ZFPM2: variants seen among roughly 807,000 people sequenced by gnomAD.
ZFPM2 encodes zinc finger protein ZFPM2.
ZFPM2 carries 20 observed loss-of-function variants against 98.6 expected under a neutral mutation model. The ratio of observed to expected loss-of-function variants is 0.20; its 90% CI spans 0.14 to 0.29. ZFPM2 has a LOEUF of 0.29. Ranked by LOEUF, ZFPM2 falls within the 10% of genes least tolerant of loss-of-function variation. ZFPM2 has a pLI of 1.00. For missense variants in ZFPM2, 1,310 were observed against 1,388.6 expected, an observed-to-expected ratio of 0.94 and a Z score of 0.90; for synonymous variants, 518 against 502.7, an observed-to-expected ratio of 1.03 and a Z score of -0.41.
chr8:105,439,117 T>C (rs1812186332), intron 2 of ZFPM2, among the ~76,000 whole-genome samples: 1 of 152,212 alleles, frequency 6.6e-6, no homozygotes, highest in Non-Finnish European at 1.5e-5. Flanking sequence ...TATTTCCAAC[T>C]GAAATGTAAC....
intron 1 of ZFPM2, among the ~76,000 whole-genome samples, chr8:105,340,874 C>T (rs763043414): frequency 3.4e-4 from 52 of 151,854 alleles, no homozygotes; most frequent in Non-Finnish European, 6.3e-4. Context: ...AATAGGGTAA[C>T]GTGACAAAGA....
chr8:105,526,524 T>C (rs1358057962), intron 3 of ZFPM2, among the ~76,000 whole-genome samples: 1 of 152,208 alleles, frequency 6.6e-6, no homozygotes, highest in Non-Finnish European at 1.5e-5. Context: ...AGAAACTACC[T>C]GACTAGCCTC....
At chr8:105,736,803 T>A (rs1387657228) in intron 5 of ZFPM2, among the ~76,000 whole-genome samples, 1 of 152,070 alleles carries the variant, frequency 6.6e-6, no homozygotes, top group African/African-American at 2.4e-5. Flanking sequence ...CCAGGACTAT[T>A]TCCTCTACTA....
chr8:105,576,724 T>A (rs903348327), intron 4 of ZFPM2, among the ~76,000 whole-genome samples: 17 of 152,194 alleles, frequency 1.1e-4, no homozygotes, highest in African/African-American at 4.1e-4. Context: ...TATGGCCATT[T>A]ATGTATTTTT....
intron 1 of ZFPM2, among the ~76,000 whole-genome samples, chr8:105,328,639 T>C (rs1223160164): frequency 1.3e-5 from 2 of 151,886 alleles, no homozygotes; most frequent in African/African-American, 2.4e-5. Flanking sequence ...AAGACTGTTG[T>C]CAATATAAAT....
chr8:105,676,604 T>G (rs1810475374), intron 5 of ZFPM2, among the ~76,000 whole-genome samples: 1 of 152,026 alleles, frequency 6.6e-6, no homozygotes, highest in African/African-American at 2.4e-5. Flanking sequence ...AAATGACCAT[T>G]GATTATATTT....
intron 3 of ZFPM2, among the ~76,000 whole-genome samples, chr8:105,468,308 G>A (rs1392343645): frequency 4.6e-5 from 7 of 151,774 alleles, no homozygotes; most frequent in Non-Finnish European, 7.4e-5. Context: ...TTGCACTTGT[G>A]GCCATTACCC....
intron 3 of ZFPM2, among the ~76,000 whole-genome samples, chr8:105,489,282 G>A (rs1256584223): frequency 8.0e-5 from 12 of 150,666 alleles, no homozygotes; most frequent in Non-Finnish European, 1.8e-4. Flanking sequence ...AAATAATGTC[G>A]GTAATAAGAT....
intron 3 of ZFPM2, among the ~76,000 whole-genome samples, chr8:105,473,617 G>C (rs968970683): frequency 2.6e-5 from 4 of 152,128 alleles, no homozygotes; most frequent in African/African-American, 9.7e-5. Context: ...GAGTTTAAAA[G>C]CCATTGAGTT....
intron 1 of ZFPM2, among the ~76,000 whole-genome samples, chr8:105,371,346 G>T (rs1239343734): frequency 1.3e-5 from 2 of 152,178 alleles, no homozygotes; most frequent in Non-Finnish European, 2.9e-5. Context: ...CATCTAGAAG[G>T]TTAAAGGAGG....
intron 3 of ZFPM2, among the ~76,000 whole-genome samples, chr8:105,483,213 T>G (rs2130393684): frequency 6.6e-6 from 1 of 152,156 alleles, no homozygotes; most frequent in Non-Finnish European, 1.5e-5. Context: ...GTTCTCTTAA[T>G]AATAAATTCT....
At chr8:105,404,879 C>G (rs909258873) in intron 1 of ZFPM2, among the ~76,000 whole-genome samples, 2 of 151,972 alleles carry the variant, frequency 1.3e-5, no homozygotes, top group South Asian at 2.1e-4. Context: ...AAAAACAAAT[C>G]CAAAAATACA....
intron 3 of ZFPM2, among the ~76,000 whole-genome samples, chr8:105,535,552 A>G (rs1391314543): frequency 6.6e-6 from 1 of 152,188 alleles, no homozygotes; most frequent in African/African-American, 2.4e-5. Flanking sequence ...TATGGTCTAC[A>G]GTTTCGATTC....
intron 1 of ZFPM2, among the ~76,000 whole-genome samples, chr8:105,409,405 T>A (rs1186007872): frequency 1.3e-5 from 2 of 151,874 alleles, no homozygotes; most frequent in Non-Finnish European, 2.9e-5. Context: ...GTCTATTCTG[T>A]CCCAGAATCA....
In ZFPM2 at chr8:105,788,869, G is replaced by C. The variant is rs764812420; in HGVS notation, c.684G>C (p.Gln228His). 6.2e-7 allele frequency: 1 copy of C among 1,613,812 alleles called. No individual in the cohort carries two copies. Among genetic ancestry groups the C allele is most frequent in the Non-Finnish European group, 8.5e-7 (1 of 1,179,848 alleles). ...CTGCACGCCTGCTGGACTCAATTCA[G>C]CTGCTTCCTCAGCAAGCTGCCATGG... is the stretch of plus-strand genomic sequence containing the variant. ...MYPARLLDSI[Q>H]LLPQQAAMAS... Residue 228 changes from glutamine (Q) to histidine (H), a missense_variant, in exon 6 of 8, where the codon CAG (glutamine) becomes CAC (histidine). Physicochemically the swap from Gln to His is conservative, Grantham distance 24 (BLOSUM62 0). Transcript: ENST00000407775.
intron 6 of ZFPM2, among the ~76,000 whole-genome samples, chr8:105,794,964 AT>A (rs1382070703): frequency 6.6e-6 from 1 of 151,942 alleles, no homozygotes; most frequent in African/African-American, 2.4e-5. Context: ...GAGTGACCCG[AT>A]TTTCCAGGTG....
intron 3 of ZFPM2, among the ~76,000 whole-genome samples, chr8:105,483,203 G>A (rs372520821): frequency 3.9e-4 from 60 of 152,062 alleles, no homozygotes; most frequent in African/African-American, 1.3e-3. Flanking sequence ...CCTCTGCAAT[G>A]TTCTCTTAAT....
intron 5 of ZFPM2, among the ~76,000 whole-genome samples, chr8:105,759,696 A>G (rs1365719267): frequency 6.6e-6 from 1 of 151,578 alleles, no homozygotes; most frequent in East Asian, 1.9e-4. Flanking sequence ...TTGAACTGCA[A>G]TCTAGTAGGC....
intron 5 of ZFPM2, among the ~76,000 whole-genome samples, chr8:105,725,981 C>A (rs1008122639): frequency 7.3e-5 from 11 of 151,564 alleles, no homozygotes; most frequent in African/African-American, 2.4e-4. Context: ...TAGAGTATCC[C>A]AAAATACAGA....
Sources: gnomAD v4.1 joint callset for allele counts (sites outside exome capture counted in the v4.1 genomes callset) on GRCh38, gnomAD v4.1.1 for gene constraint, MANE v1.5 for transcripts, NCBI Gene and HGNC (gene_info 2026-07-23, HGNC 2026-07-21) for gene names.